The following PDE4B variants were observed in gnomAD, a reference collection of about 807,000 sequenced individuals.
PDE4B encodes the protein 3',5'-cyclic-AMP phosphodiesterase 4B.
PDE4B carries 20 observed loss-of-function variants against 82.2 expected under a neutral mutation model. That is an observed-to-expected ratio of 0.24 (90% confidence interval 0.17 to 0.35). The LOEUF is 0.35. Among genes scored for constraint, PDE4B ranks in the 10% least tolerant of loss-of-function variants. PDE4B has a pLI of 1.00. For synonymous variants in PDE4B, 320 were observed against 318.9 expected (o/e 1.00, Z -0.04); for missense variants, 655 against 907.2 (o/e 0.72, Z 3.57).
intron 1 of PDE4B, among the ~76,000 whole-genome samples, chr1:65,823,712 G>C (rs557517732): frequency 2.6e-5 from 4 of 152,258 alleles, no homozygotes; most frequent in African/African-American, 9.6e-5. Context: ...AGTAACATCT[G>C]AACGTCTTAT....
In PDE4B at chr1:66,066,968, G is replaced by A. The variant is rs577536670; in HGVS notation, c.281+148133G>A. Among the ~76,000 whole-genome samples, 12 of 152,056 alleles carry A rather than the reference G, an allele frequency of 7.9e-5. No individual in the cohort carries two copies. In the East Asian group the frequency reaches 2.3e-3, roughly 29 times the overall value. On this transcript the variant is annotated intron_variant, in intron 3 of 16. Transcript: ENST00000341517. ...ATATAATCTTTTTTGGTTCAGAGCA[G>A]TTTTAGATACATTTAAGCTGATATT...
chr1:66,114,139 C>T (rs1645544060), intron 3 of PDE4B, among the ~76,000 whole-genome samples: 2 of 152,150 alleles, frequency 1.3e-5, no homozygotes, highest in African/African-American at 2.4e-5. Context: ...ATGGCCCTTC[C>T]ACGATGTGAG....
intron 8 of PDE4B, among the ~76,000 whole-genome samples, chr1:66,336,651 CT>C (rs5774809): frequency 0.67 from 101,559 of 151,628 alleles, 34,490 homozygotes; most frequent in East Asian, 0.89. Flanking sequence ...TGTATTAGTA[CT>C]TTTTTTTTAG....
intron 3 of PDE4B, among the ~76,000 whole-genome samples, chr1:66,185,206 T>C (rs896283168): frequency 6.6e-6 from 1 of 152,246 alleles, no homozygotes; most frequent in Non-Finnish European, 1.5e-5. Context: ...TTACATGGTG[T>C]ATATGTGCCT....
intron 7 of PDE4B, among the ~76,000 whole-genome samples, chr1:66,288,653 G>A (rs57853339): frequency 0.027 from 4,119 of 152,182 alleles, 189 homozygotes; most frequent in African/African-American, 0.094. Flanking sequence ...GGGTGTTACA[G>A]GTTTTCTGAA....
intron 3 of PDE4B, among the ~76,000 whole-genome samples, chr1:66,223,227 GA>G (rs1196319812): frequency 1.3e-5 from 2 of 152,094 alleles, no homozygotes; most frequent in African/African-American, 2.4e-5. Flanking sequence ...AAATGCACAG[GA>G]AAACGAGATA....
At chr1:65,880,961 G>A (rs1045414380) in intron 1 of PDE4B, among the ~76,000 whole-genome samples, 7 of 152,010 alleles carry the variant, frequency 4.6e-5, no homozygotes, top group South Asian at 2.1e-4. Context: ...ATAATGAGGC[G>A]ACCCCCTCAT....
chr1:66,179,447 G>A (rs1647014088), intron 3 of PDE4B, among the ~76,000 whole-genome samples: 2 of 152,102 alleles, frequency 1.3e-5, no homozygotes, highest in African/African-American at 4.8e-5. Flanking sequence ...CCAGGAGAGT[G>A]AGAACTACTC....
intron 8 of PDE4B, among the ~76,000 whole-genome samples, chr1:66,339,442 T>C (rs1057446535): frequency 6.6e-6 from 1 of 152,260 alleles, no homozygotes; most frequent in African/African-American, 2.4e-5. Context: ...ATTCAAATAG[T>C]TCTTCATTGG....
chr1:65,966,222 G>T (rs1047967680), intron 3 of PDE4B, among the ~76,000 whole-genome samples: 8 of 152,052 alleles, frequency 5.3e-5, no homozygotes, highest in African/African-American at 1.9e-4. Flanking sequence ...AAATCAATGT[G>T]CAAAAATCAC....
At chr1:65,825,705 C>CCTGTCTGTCTAT (rs752252352) in intron 1 of PDE4B, among the ~76,000 whole-genome samples, 1 of 107,374 alleles carries the variant, frequency 9.3e-6, no homozygotes, top group African/African-American at 3.2e-5. Flanking sequence ...AACAAAATTA[C>CCTGTCTGTCTAT]CTATCTATCT....
At chr1:66,291,087 A>G (rs1185907530) in intron 7 of PDE4B, among the ~76,000 whole-genome samples, 2 of 152,174 alleles carry the variant, frequency 1.3e-5, no homozygotes, top group East Asian at 1.9e-4. Context: ...TTTACTTGAC[A>G]CAGAAAGCTT....
At chr1:65,853,419 A>C (rs943831783) in intron 1 of PDE4B, among the ~76,000 whole-genome samples, 4 of 151,182 alleles carry the variant, frequency 2.6e-5, no homozygotes, top group African/African-American at 9.7e-5. Flanking sequence ...TATTTCTATT[A>C]ATTTTCTATT....
rs1044547635 is a variant in PDE4B, at chr1:66,312,801, T to C, written c.635-19707T>C. Among the ~76,000 whole-genome samples, 5 of 152,206 alleles carry C rather than the reference T, an allele frequency of 3.3e-5. No homozygotes were observed. In the East Asian group the frequency reaches 9.6e-4, roughly 29 times the overall value. ...AACACAGCCATTTGTTTATTTATGA[T>C]CTGTGATGACCTTCGTGCTAAAATG... On this transcript the variant is annotated intron_variant, in intron 7 of 16. Transcript: ENST00000341517.
At chr1:66,283,447 T>C (rs928081585) in intron 7 of PDE4B, among the ~76,000 whole-genome samples, 1 of 152,050 alleles carries the variant, frequency 6.6e-6, no homozygotes, top group Non-Finnish European at 1.5e-5. Context: ...CTGGGTCTTG[T>C]TTGCTGGCAC....
At chr1:65,819,098 G>A (rs759305521) in intron 1 of PDE4B, among the ~76,000 whole-genome samples, 2 of 152,100 alleles carry the variant, frequency 1.3e-5, no homozygotes, top group South Asian at 4.2e-4. Context: ...GAAGGAGAAG[G>A]GATGTGGAAC....
At chr1:65,927,865 T>C (rs1018129794) in intron 3 of PDE4B, among the ~76,000 whole-genome samples, 4 of 152,170 alleles carry the variant, frequency 2.6e-5, no homozygotes, top group Non-Finnish European at 4.4e-5. Flanking sequence ...AGAATGTCTA[T>C]GCCTATTATG....
intron 2 of PDE4B, 62 bp from the exon 3 acceptor site, chr1:65,918,535 C>A: frequency 1.1e-6 from 1 of 951,852 alleles, no homozygotes; most frequent in Non-Finnish European, 1.7e-6. Context: ...TCTTTCACTC[C>A]ATTTAACATT....
intron 3 of PDE4B, among the ~76,000 whole-genome samples, chr1:66,062,524 T>C (rs1655630609): frequency 6.6e-6 from 1 of 152,086 alleles, no homozygotes; most frequent in Admixed American, 6.6e-5. Flanking sequence ...GGACATTTTG[T>C]TCAAGTTTAC....
Sources: allele counts gnomAD v4.1 joint callset (sites outside exome capture counted in the v4.1 genomes callset), GRCh38; gene constraint gnomAD v4.1.1; transcripts MANE v1.5; gene names NCBI Gene and HGNC (gene_info 2026-07-23, HGNC 2026-07-21).